RHBDF1: variants seen among roughly 807,000 people sequenced by gnomAD.
The protein encoded by RHBDF1 is inactive rhomboid protein 1.
A neutral mutation model predicts 98.6 loss-of-function variants in RHBDF1; 80 were observed. The observed-to-expected ratio is 0.81, with a 90% CI of 0.68 to 0.98. The LOEUF (loss-of-function observed/expected upper bound fraction) is 0.98. RHBDF1 is among the 50% of genes least tolerant of loss of function. The probability of loss-of-function intolerance (pLI) is 0.00; values close to 1 mark genes in which losing one functional copy is unlikely to be tolerated. For synonymous variants in RHBDF1, 512 were observed against 486.8 expected (o/e 1.05, Z -0.68); for missense variants, 1,116 against 1,198.3 (o/e 0.93, Z 1.01).
In RHBDF1 at chr16:63,092, C is replaced by CCGG. The variant is rs1897705326; in HGVS notation, c.550_552dup (p.Pro184dup). 1 of 1,610,804 alleles carries CCGG rather than the reference C, an allele frequency of 6.2e-7. No homozygotes were observed. The highest frequency in any genetic ancestry group is 2.2e-5 in the East Asian group (1 of 44,734). On this transcript the variant is annotated inframe_insertion, in exon 5 of 18. Transcript: ENST00000262316. ...GAGAAGGAGCAGAGGGAGGCAGCAC[C>CCGG]CGGCGTGACGGGAGTGTGTGGGGCA...
intron 13 of RHBDF1, 58 bp from the exon 14 acceptor site, chr16:59,884 C>A (rs2141844928): frequency 6.2e-7 from 1 of 1,611,852 alleles, no homozygotes; most frequent in Non-Finnish European, 8.5e-7. Context: ...TGGCCCCACA[C>A]CACGTTTGGG....
Position 63,799 on chromosome 16 carries a change from C to T in RHBDF1, c.250G>A (p.Gly84Arg). ...CTCACTCCAAACCAGTCGGCGGTCC[C>T]CCTGGCATGGCAGGGACTCAGCAAG... The part of the protein sequence containing the change: ...QTSITQTIRR[G>R]TADWFGVSKD... The change falls in exon 4 of 18, where the codon GGG becomes AGG. Residue 84 changes from glycine to arginine, a missense_variant and splice_region_variant. By Grantham distance (125) the Gly-to-Arg change is moderately radical. Coordinates refer to ENST00000262316, the MANE Select transcript of RHBDF1 (RefSeq NM_022450.5). 1 of 1,612,876 alleles carries T rather than the reference C, an allele frequency of 6.2e-7. No individual in the cohort carries two copies. Among genetic ancestry groups the T allele is most frequent in the African/African-American group, 1.3e-5 (1 of 75,040 alleles).
chr16:61,419 A>G lies in RHBDF1; in HGVS notation c.1361T>C (p.Val454Ala), dbSNP rs1306269243. The change falls in exon 10 of 18, where the codon GTG (valine) becomes GCG (alanine). Residue 454 changes from valine to alanine, a missense_variant. Coordinates refer to ENST00000262316, the MANE Select transcript of RHBDF1 (RefSeq NM_022450.5). ...NRGVYENVKY[V>A]QQENFWIGPS... is the part of the protein sequence containing the mutation. Reference sequence around the variant, plus strand: ...CCCGATCCAGAAGTTCTCCTGCTGCACGTACTTGACGTTCTCGTAGACCCC... The same window carrying G: ...CCCGATCCAGAAGTTCTCCTGCTGCGCGTACTTGACGTTCTCGTAGACCCC... 2 of 1,611,948 alleles carry G rather than the reference A, an allele frequency of 1.2e-6. No individual in the cohort carries two copies. Among genetic ancestry groups the G allele is most frequent in the Non-Finnish European group, 1.7e-6 (2 of 1,179,730 alleles).
At chr16:60,156 G>A in intron 13 of RHBDF1, 60 bp downstream of exon 13, 2 of 1,612,140 alleles carry the variant, frequency 1.2e-6, no homozygotes, top group Non-Finnish European at 1.7e-6. Context: ...TGGGTGGGGT[G>A]TGGCATTCTC....
chr16:60,642 C>A (rs114792259), intron 11 of RHBDF1, 103 bp from the exon 12 acceptor site: 2 of 752,876 alleles, frequency 2.7e-6, no homozygotes, highest in African/African-American at 3.4e-5. Flanking sequence ...CTTCCCTCCG[C>A]TTCTACAAGT....
At chr16:60,328 G>T in intron 12 of RHBDF1, 49 bp from the exon 13 acceptor site, 2 of 1,610,784 alleles carry the variant, frequency 1.2e-6, no homozygotes, top group Non-Finnish European at 1.7e-6. Context: ...CCCTAGCATT[G>T]GCACCCTTCC....
In RHBDF1 at chr16:58,103, A is replaced by G. The variant is rs1471167537; in HGVS notation, c.*237T>C. 7 of 489,092 alleles carry G rather than the reference A, an allele frequency of 1.4e-5. No individual in the cohort carries two copies. The South Asian group carries it at 2.1e-4, about 14-fold the overall frequency. The allele number at this position is 489,092 out of a possible 1,614,324, so 30.3% of individuals were successfully genotyped here. A position where few individuals can be genotyped will look rare whatever the true frequency, so the allele number is the denominator to read the frequency against. On this transcript the variant is annotated 3_prime_UTR_variant, in exon 18 of 18. Transcript: ENST00000262316. ...AACGCTCCCAGTCCATTTATTGGCC[A>G]CATGAGGTGGTCGTCAAGAAACAAG... is the stretch of plus-strand genomic sequence containing the variant.
chr16:64,883 G>A lies in RHBDF1; in HGVS notation c.117+16C>T, dbSNP rs368444954. On this transcript the variant is annotated intron_variant, in intron 2 of 17. Transcript: ENST00000262316. ...TGGACAGGGGGCACCCACAGTCCCT[G>A]CAGGCCAGGGCCTACCTGCAGGAAG... 2 of 1,613,116 alleles carry A rather than the reference G, an allele frequency of 1.2e-6. No homozygotes were observed. The highest frequency in any genetic ancestry group is 8.5e-7 in the Non-Finnish European group (1 of 1,179,416).
chr16:59,086 A>G lies in RHBDF1; in HGVS notation c.2036T>C (p.Val679Ala), dbSNP rs1169316305. 6.2e-7 allele frequency: 1 copy of G among 1,613,502 alleles called. No individual in the cohort carries two copies. The highest frequency in any genetic ancestry group is 8.5e-7 in the Non-Finnish European group (1 of 1,180,014). The change falls in exon 17 of 18, where the codon GTC becomes GCC. Residue 679 changes from valine to alanine, a missense_variant. Transcript: ENST00000262316. ...TGCCAGCTTCTCCAGGTCCCGCAGG[A>G]CAGTCATCTGGAAGCAGATGGACAC... is the stretch of plus-strand genomic sequence containing the variant. The part of the protein sequence containing the change: ...CLVSICFQMT[V>A]LRDLEKLAGW...
upstream of RHBDF1, chr16:72,652 C>CG (rs71139744): frequency 1 from 982,699 of 982,752 alleles, 491,323 homozygotes; most frequent in Middle Eastern, 1. Context: ...GGGGCGTGCG[C>CG]CCGGGGGCGG....
intron 4 of RHBDF1, 47 bp downstream of exon 4, chr16:63,540 G>A (rs751664069): frequency 6.9e-7 from 1 of 1,454,630 alleles, no homozygotes; most frequent in South Asian, 1.3e-5. Context: ...CCCAGCCCCT[G>A]AGAGCGGAAG....
At chr16:68,608 G>GCCCAGC (rs879491328) in intron 1 of RHBDF1, among the ~76,000 whole-genome samples, 31 of 152,308 alleles carry the variant, frequency 2.0e-4, no homozygotes, top group South Asian at 6.2e-4. Flanking sequence ...GCCAGCCCAG[G>GCCCAGC]CCCAGCCCCA....
At chr16:65,629 G>C (rs1366508216) in intron 1 of RHBDF1, among the ~76,000 whole-genome samples, 1 of 152,146 alleles carries the variant, frequency 6.6e-6, no homozygotes, top group Admixed American at 6.5e-5. Context: ...TCTCACACCT[G>C]TCTTACCAGG....
chr16:73,938 G>A (rs1279630959), upstream of RHBDF1: 2 of 985,142 alleles, frequency 2.0e-6, no homozygotes, highest in Non-Finnish European at 2.4e-6. Context: ...CAGAGCCTGG[G>A]CAAGATTCCC....
At position 61,822 on chromosome 16, in the gene RHBDF1, T is replaced by C; in HGVS notation, c.1184A>G (p.Gln395Arg). 6.2e-7 allele frequency: 1 copy of C among 1,612,824 alleles called. No homozygotes were observed. Among genetic ancestry groups the C allele is most frequent in the Non-Finnish European group, 8.5e-7 (1 of 1,179,774 alleles). ...RKRIDSFVKR[Q>R]IEDMDDHRPF... ...CCTGTGGTCGTCCATGTCCTCGATC[T>C]GGCGCTTGACGAAGCTGTCGATGCG... The change falls in exon 8 of 18, where the codon CAG becomes CGG. Residue 395 changes from glutamine to arginine, a missense_variant. Gln to Arg is a conservative substitution (Grantham distance 43). Transcript: ENST00000262316.
At position 60,586 on chromosome 16, in the gene RHBDF1, G is replaced by GACCC. The variant is rs766030404; in HGVS notation, c.1558-48_1558-47insGGGT. 1.2e-4 allele frequency: 182 copies of GACCC among 1,462,252 alleles called. 3 individuals are homozygous for GACCC. The South Asian group carries it at 1.8e-3, about 15-fold the overall frequency. The allele number at this position is 1,462,252 out of a possible 1,614,324, so 90.6% of individuals were successfully genotyped here. A position where few individuals can be genotyped will look rare whatever the true frequency, so the allele number is the denominator to read the frequency against. Reference sequence around the variant, plus strand: ...TCAGGTCCAGTTGGGTCAGGGCAATGAGGGGCACGCAGGGAGTCAGGAGTC... The same window carrying GACCC: ...TCAGGTCCAGTTGGGTCAGGGCAATGACCCAGGGGCACGCAGGGAGTCAGGAGTC... On this transcript the variant is annotated intron_variant, in intron 11 of 17. Transcript: ENST00000262316.
chr16:67,253 C>T (rs1337088335), intron 1 of RHBDF1, among the ~76,000 whole-genome samples: 4 of 152,226 alleles, frequency 2.6e-5, no homozygotes, highest in African/African-American at 7.2e-5. Flanking sequence ...TGAGTACACT[C>T]CCAGCATGTT....
chr16:64,422 G>A (rs769940956), intron 3 of RHBDF1: 57 of 1,437,936 alleles, frequency 4.0e-5, no homozygotes, highest in South Asian at 4.9e-5. Flanking sequence ...GGACACGCCC[G>A]AAGCGTACTT....
At chr16:59,997 C>T in intron 13 of RHBDF1, 171 bp from the exon 14 acceptor site, 1 of 1,476,940 alleles carries the variant, frequency 6.8e-7, no homozygotes, top group Non-Finnish European at 9.0e-7. Context: ...GGAATAATGT[C>T]ACTTGACCTT....
Sources: gnomAD v4.1 joint callset for allele counts (sites outside exome capture counted in the v4.1 genomes callset) on GRCh38, gnomAD v4.1.1 for gene constraint, MANE v1.5 for transcripts, NCBI Gene and HGNC (gene_info 2026-07-23, HGNC 2026-07-21) for gene names.